Variants in GRM7 observed in about 807,000 individuals in gnomAD.
GRM7 encodes the protein glutamate metabotropic receptor 7, also known as metabotropic glutamate receptor 7.
In GRM7, 35 loss-of-function variants were observed where a neutral mutation model predicts 84.5. The ratio of observed to expected loss-of-function variants is 0.41; its 90% CI spans 0.32 to 0.55. The LOEUF (loss-of-function observed/expected upper bound fraction) is 0.55, where lower values mean the gene tolerates loss of function less well. Ranked by LOEUF, GRM7 falls within the 20% of genes least tolerant of loss-of-function variation. The probability of loss-of-function intolerance (pLI) is 0.19; values close to 1 mark genes in which losing one functional copy is unlikely to be tolerated. For missense variants in GRM7, 1,003 were observed against 1,194.6 expected (o/e 0.84, Z 2.36); for synonymous variants, 487 against 455.1 (o/e 1.07, Z -0.89).
Position 7,425,707 on chromosome 3 carries a change from A to G in GRM7, c.1174+10544A>G, listed in dbSNP as rs371768109. The stretch of plus-strand genomic sequence containing the variant: ...GCTTTTTTATTAGAGAAAAAATGCA[A>G]TGGTTACACACAGGTTCTGGTCAAG... On this transcript the variant is annotated intron_variant, in intron 5 of 9. Coordinates refer to ENST00000357716, the MANE Select transcript of GRM7 (RefSeq NM_000844.4). Among the ~76,000 whole-genome samples the G allele has an allele frequency of 9.4e-4, 143 of 152,336 alleles. 5 individuals are homozygous for G. In the South Asian group the frequency reaches 0.026, roughly 28 times the overall value.
At chr3:7,607,928 T>A (rs184667915) in intron 8 of GRM7, 41 of 173,086 alleles carry the variant, frequency 2.4e-4, no homozygotes, top group Admixed American at 2.3e-3. Flanking sequence ...GTTCCCTTTT[T>A]TGTGTTCATA....
chr3:7,488,386 G>C (rs1361187278), intron 7 of GRM7, among the ~76,000 whole-genome samples: 4 of 152,096 alleles, frequency 2.6e-5, no homozygotes, highest in Non-Finnish European at 5.9e-5. Context: ...TCAAGTTAAA[G>C]TTTGCTCCCT....
chr3:7,684,875 G>T (rs1178994518), intron 9 of GRM7, among the ~76,000 whole-genome samples: 1 of 152,086 alleles, frequency 6.6e-6, no homozygotes, highest in Non-Finnish European at 1.5e-5. Flanking sequence ...TTTTATTTAT[G>T]CAAATAAGAC....
At chr3:7,256,444 C>T (rs774555541) in intron 2 of GRM7, among the ~76,000 whole-genome samples, 1 of 152,150 alleles carries the variant, frequency 6.6e-6, no homozygotes, top group African/African-American at 2.4e-5. Context: ...TGGCAGCCCA[C>T]AATTTTATCA....
intron 4 of GRM7, among the ~76,000 whole-genome samples, chr3:7,404,746 T>C (rs712771): frequency 0.75 from 114,171 of 151,616 alleles, 43,708 homozygotes; most frequent in African/African-American, 0.88. Flanking sequence ...ATCTTGTTGG[T>C]CCAGTTGGAG....
chr3:7,279,088 A>T (rs886629242), intron 2 of GRM7, among the ~76,000 whole-genome samples: 1 of 152,176 alleles, frequency 6.6e-6, no homozygotes, highest in Non-Finnish European at 1.5e-5. Context: ...TTCAACATAG[A>T]TAAGAAAACG....
rs191468365 is a variant in GRM7 at position 7,370,686 on chromosome 3, A to T, written c.1034-44337A>T. Among the ~76,000 whole-genome samples the T allele has an allele frequency of 1.9e-4, 29 of 152,058 alleles. No individual in the cohort carries two copies. In the East Asian group the frequency reaches 5.6e-3, roughly 30 times the overall value. ...GGACAAAAAGAATAATGTCTAAAAA[A>T]TATGACTAGAAACGACTCCCCTCCT... On this transcript the variant is annotated intron_variant, in intron 4 of 9. Coordinates refer to ENST00000357716, the MANE Select transcript of GRM7 (RefSeq NM_000844.4).
At chr3:6,879,851 C>T (rs1008919690) in intron 1 of GRM7, among the ~76,000 whole-genome samples, 14 of 152,104 alleles carry the variant, frequency 9.2e-5, no homozygotes, top group African/African-American at 3.4e-4. Flanking sequence ...TATGTTAATT[C>T]AGCCACTAAG....
intron 2 of GRM7, among the ~76,000 whole-genome samples, chr3:7,282,547 A>C (rs1699290663): frequency 6.6e-6 from 1 of 152,190 alleles, no homozygotes; most frequent in South Asian, 2.1e-4. Context: ...GGTGATTAGC[A>C]ACCTTAATTT....
intron 1 of GRM7, among the ~76,000 whole-genome samples, chr3:7,067,422 T>C (rs371362059): frequency 1.4e-4 from 22 of 151,978 alleles, no homozygotes; most frequent in African/African-American, 5.3e-4. Context: ...CTTTTTACAA[T>C]AGCTGCAAAA....
intron 1 of GRM7, among the ~76,000 whole-genome samples, chr3:7,029,328 C>CAAAAAAAAAAAAAAAAAAA (rs1239487786): frequency 7.1e-6 from 1 of 140,054 alleles, no homozygotes; most frequent in Non-Finnish European, 1.5e-5. Flanking sequence ...AAAAAAAAAA[C>CAAAAAAAAAAAAAAAAAAA]AAACAAAAAA....
At chr3:7,650,242 G>C (rs1698867929) in intron 8 of GRM7, among the ~76,000 whole-genome samples, 1 of 152,220 alleles carries the variant, frequency 6.6e-6, no homozygotes, top group South Asian at 2.1e-4. Context: ...AACACTCTCA[G>C]GTATGAATTC....
Position 7,732,244 on chromosome 3 carries a change from G to A in GRM7, c.2699-8113G>A, listed in dbSNP as rs189273327. Among the ~76,000 whole-genome samples, 15 of 152,208 alleles carry A rather than the reference G, an allele frequency of 9.9e-5. No homozygotes were observed. In the East Asian group the frequency reaches 2.7e-3, roughly 28 times the overall value. On this transcript the variant is annotated intron_variant, in intron 9 of 9. Coordinates refer to ENST00000357716, the MANE Select transcript of GRM7 (RefSeq NM_000844.4). Reference sequence around the variant, plus strand: ...TGGGCAGGAAGGGCAATTACAAAAGGCTTCTCTATGGTAACACATCCCAAA... The same window carrying A: ...TGGGCAGGAAGGGCAATTACAAAAGACTTCTCTATGGTAACACATCCCAAA...
chr3:7,614,092 C>T (rs539785660), intron 8 of GRM7, among the ~76,000 whole-genome samples: 44 of 152,078 alleles, frequency 2.9e-4, no homozygotes, highest in Non-Finnish European at 5.7e-4. Context: ...GGTGAAACTC[C>T]GTCTCTACTA....
chr3:6,864,407 C>T (rs986868555), intron 1 of GRM7, among the ~76,000 whole-genome samples: 1 of 152,158 alleles, frequency 6.6e-6, no homozygotes, highest in Non-Finnish European at 1.5e-5. Context: ...CATGTAATTC[C>T]AGTCCCCAGG....
chr3:7,021,769 G>A (rs564003677), intron 1 of GRM7, among the ~76,000 whole-genome samples: 1 of 152,278 alleles, frequency 6.6e-6, no homozygotes, highest in South Asian at 2.1e-4. Context: ...CTCCATTTAT[G>A]CATTTGCCTA....
rs1168461157 is a variant in GRM7 at position 7,729,869 on chromosome 3, CTTTTTTTTT to C, written c.2699-10473_2699-10465del. On this transcript the variant is annotated intron_variant, in intron 9 of 9. Transcript: ENST00000357716. ...TACAGGTGCATGCCACCACCTCCGG[CTTTTTTTTT>C]TTTTTTTTTTTTTTGAGATGAAGTC... 1.3e-4 allele frequency among the ~76,000 whole-genome samples: 9 copies of C among 69,972 alleles called. No homozygotes were observed. In the East Asian group the frequency reaches 4.0e-3, roughly 31 times the overall value. The allele number at this position is 69,972 out of a possible 152,430, so 45.9% of individuals were successfully genotyped here.
At chr3:7,357,522 T>C (rs1053292230) in intron 4 of GRM7, among the ~76,000 whole-genome samples, 1 of 152,088 alleles carries the variant, frequency 6.6e-6, no homozygotes, top group Non-Finnish European at 1.5e-5. Flanking sequence ...ATAAAAATAT[T>C]GAGACAATAT....
At chr3:7,473,154 T>C (rs1698770750) in intron 7 of GRM7, among the ~76,000 whole-genome samples, 1 of 152,030 alleles carries the variant, frequency 6.6e-6, no homozygotes, top group East Asian at 1.9e-4. Context: ...CAAAGTCACA[T>C]TGATTGCTTA....
Sources: gnomAD v4.1 joint callset for allele counts (sites outside exome capture counted in the v4.1 genomes callset) on GRCh38, gnomAD v4.1.1 for gene constraint, MANE v1.5 for transcripts, NCBI Gene and HGNC (gene_info 2026-07-23, HGNC 2026-07-21) for gene names.